Variants in SKI observed in about 807,000 individuals in gnomAD.
SKI encodes the protein SKI proto-oncogene.
Under a neutral mutation model 59.3 loss-of-function variants are expected in SKI, and 23 were observed. That is an observed-to-expected ratio of 0.39 (90% CI 0.28 to 0.55). SKI has a LOEUF of 0.55. Among genes scored for constraint, SKI ranks in the 20% least tolerant of loss-of-function variants. The pLI is 0.67. For synonymous variants in SKI, 673 were observed against 488.6 expected (o/e 1.38, Z -4.98); for missense variants, 1,017 against 1,038.9 (o/e 0.98, Z 0.29).
At chr1:2,287,167 C>T (rs1481804458) in intron 1 of SKI, among the ~76,000 whole-genome samples, 2 of 152,080 alleles carry the variant, frequency 1.3e-5, no homozygotes, top group African/African-American at 4.8e-5. Context: ...GCCCAGGGTG[C>T]ACCTGTGCTC....
At chr1:2,259,950 G>T (rs1395220467) in intron 1 of SKI, among the ~76,000 whole-genome samples, 4 of 152,232 alleles carry the variant, frequency 2.6e-5, no homozygotes, top group Non-Finnish European at 4.4e-5. Flanking sequence ...GTTCTTGACT[G>T]TCACAAAGAA....
Position 2,250,947 on chromosome 1 carries a change from T to C in SKI, c.969+21212T>C, listed in dbSNP as rs537935287. Among the ~76,000 whole-genome samples, 420 of 152,296 alleles carry C rather than the reference T, an allele frequency of 2.8e-3. 3 individuals carry two copies. Among genetic ancestry groups the C allele is most frequent in the Non-Finnish European group, 4.6e-3 (316 of 68,012 alleles). On this transcript the variant is annotated intron_variant, in intron 1 of 6. Coordinates refer to ENST00000378536, the MANE Select transcript of SKI (RefSeq NM_003036.4). Reference sequence around the variant, plus strand: ...ATCAGGAGCAAGCGGCCCCCATGCTTTTCTCAGGGGAGCCTCTCCCTTGGT... The same window carrying C: ...ATCAGGAGCAAGCGGCCCCCATGCTCTTCTCAGGGGAGCCTCTCCCTTGGT...
intron 1 of SKI, among the ~76,000 whole-genome samples, chr1:2,278,378 G>T (rs1273834848): frequency 2.0e-5 from 3 of 152,200 alleles, no homozygotes; most frequent in African/African-American, 7.2e-5. Context: ...CTGTATCAGG[G>T]CAGTGGTGAA....
chr1:2,273,211 C>G (rs967517695), intron 1 of SKI, among the ~76,000 whole-genome samples: 3 of 152,196 alleles, frequency 2.0e-5, no homozygotes, highest in African/African-American at 7.2e-5. Context: ...CCCCATGCTT[C>G]TCCCGGCCCC....
chr1:2,229,414 C>T lies in SKI; in HGVS notation c.648C>T (p.Arg216=). The change falls in exon 1 of 7, where the codon CGC becomes CGT. Residue 216 remains arginine, a synonymous_variant. Coordinates refer to ENST00000378536, the MANE Select transcript of SKI (RefSeq NM_003036.4). This position sits in a 1 kb window ranked among gnomAD's most constrained non-coding sequence, Gnocchi z 6.3. ...SLALGLELSE[R]SVRVYHECFG... ...CGCTGGGCCTGGAGCTCAGCGAGCG[C>T]AGCGTCCGCGTGTACCACGAGTGCT... 1 of 1,610,574 alleles carries T rather than the reference C, an allele frequency of 6.2e-7. No homozygotes were observed. Among genetic ancestry groups the T allele is most frequent in the Non-Finnish European group, 8.5e-7 (1 of 1,178,918 alleles).
chr1:2,306,279 A>T, intron 6 of SKI, 29 bp downstream of exon 6: 2 of 1,521,558 alleles, frequency 1.3e-6, no homozygotes, highest in Non-Finnish European at 8.9e-7. Flanking sequence ...TGAGGCACGC[A>T]GCACGGTGGG....
chr1:2,291,223 G>A (rs1241922478), intron 1 of SKI, among the ~76,000 whole-genome samples: 1 of 152,254 alleles, frequency 6.6e-6, no homozygotes, highest in Non-Finnish European at 1.5e-5. Context: ...CGGAGGAAAA[G>A]AACGATACAT....
intron 1 of SKI, among the ~76,000 whole-genome samples, chr1:2,282,609 C>T (rs1189667271): frequency 2.0e-5 from 3 of 152,200 alleles, no homozygotes; most frequent in East Asian, 1.9e-4. Context: ...AGGGCAGGGC[C>T]TCCGAACCCA....
intron 1 of SKI, among the ~76,000 whole-genome samples, chr1:2,283,352 G>A (rs746619515): frequency 9.7e-5 from 10 of 103,154 alleles, no homozygotes; most frequent in East Asian, 2.8e-4. Context: ...GAGCCTCAGG[G>A]GGGGGAGGGC....
At chr1:2,253,562 CAG>C (rs1243473086) in intron 1 of SKI, among the ~76,000 whole-genome samples, 11 of 152,242 alleles carry the variant, frequency 7.2e-5, no homozygotes, top group Admixed American at 3.3e-4. Flanking sequence ...TGCCCTGTCT[CAG>C]GGGGCTGCTG....
rs746000608 is a variant in SKI at position 2,303,148 on chromosome 1, C to T, written c.1095+45C>T. ...GGTCCTTGGGGTGGTGGGTACTGGG[C>T]CCTTCTCCTTGGGCAGACCCAGCGG... On this transcript the variant is annotated intron_variant, in intron 2 of 6. Transcript: ENST00000378536. This position sits in a 1 kb window ranked among gnomAD's most constrained non-coding sequence, Gnocchi z 5.6. 2.5e-6 allele frequency: 4 copies of T among 1,611,470 alleles called. No individual in the cohort carries two copies. Among genetic ancestry groups the T allele is most frequent in the Non-Finnish European group, 3.4e-6 (4 of 1,179,128 alleles).
intron 1 of SKI, among the ~76,000 whole-genome samples, chr1:2,263,709 TG>T (rs1477573406): frequency 2.7e-5 from 4 of 150,584 alleles, no homozygotes; most frequent in Admixed American, 6.6e-5. Flanking sequence ...AAATGTTTGG[TG>T]GGGGGACTGG....
chr1:2,243,611 G>C (rs1638925992), intron 1 of SKI, among the ~76,000 whole-genome samples: 1 of 152,220 alleles, frequency 6.6e-6, no homozygotes, highest in South Asian at 2.1e-4. Flanking sequence ...GAGTGAAACA[G>C]CTTGGTCAGA....
chr1:2,272,455 G>A (rs972791997), intron 1 of SKI, among the ~76,000 whole-genome samples: 3 of 152,298 alleles, frequency 2.0e-5, no homozygotes, highest in Admixed American at 6.5e-5. Context: ...CTGGCCCAGC[G>A]TCTGCAGCTC....
chr1:2,296,198 G>A (rs954186749), intron 1 of SKI, among the ~76,000 whole-genome samples: 1 of 150,560 alleles, frequency 6.6e-6, no homozygotes, highest in African/African-American at 2.4e-5. Flanking sequence ...GGGCAACAAA[G>A]TGAAACCTTG....
chr1:2,250,738 C>T (rs767256839), intron 1 of SKI, among the ~76,000 whole-genome samples: 23 of 152,236 alleles, frequency 1.5e-4, no homozygotes, highest in Admixed American at 2.6e-4. Flanking sequence ...CACGCTCTGC[C>T]GTGTCTGCCA....
chr1:2,234,782 A>C (rs1162011376), intron 1 of SKI, among the ~76,000 whole-genome samples: 1 of 152,246 alleles, frequency 6.6e-6, no homozygotes, highest in Non-Finnish European at 1.5e-5. Context: ...GTTTTTAAAA[A>C]GTTTCTTTGT....
rs937036754 is a variant in SKI, at chr1:2,307,270, T to C, written c.*505T>C. On this transcript the variant is annotated 3_prime_UTR_variant, in exon 7 of 7. Coordinates refer to ENST00000378536, the MANE Select transcript of SKI (RefSeq NM_003036.4). ...ACAGCAGGGGTTTTTCTTCAGAGTC[T>C]ATTTTTTCAGCGACAAGGACCCAGG... The C allele has an allele frequency of 6.7e-6, 1 of 149,746 alleles. No homozygotes were observed. The highest frequency in any genetic ancestry group is 1.5e-5 in the Non-Finnish European group (1 of 67,448). 9.3% of individuals were successfully genotyped at this position (149,746 alleles called of 1,614,324 possible).
intron 1 of SKI, among the ~76,000 whole-genome samples, chr1:2,298,156 C>T (rs2643889): frequency 1.3e-5 from 2 of 152,174 alleles, no homozygotes; most frequent in African/African-American, 4.8e-5. Flanking sequence ...ACATGTGAAG[C>T]CGGCGTCACA....
Sources: gnomAD v4.1 joint callset for allele counts (sites outside exome capture counted in the v4.1 genomes callset) on GRCh38, gnomAD v4.1.1 for gene constraint, Gnocchi (gnomAD v3.1) non-coding constraint, MANE v1.5 for transcripts, NCBI Gene and HGNC (gene_info 2026-07-23, HGNC 2026-07-21) for gene names.